The following ZNF84 variants were observed in gnomAD, a reference collection of about 807,000 sequenced individuals.
The protein encoded by ZNF84 is zinc finger protein 84.
ZNF84 carries 12 observed loss-of-function variants against 14.8 expected under a neutral mutation model. That is an observed-to-expected ratio of 0.81 (90% CI 0.52 to 1.31). The LOEUF is 1.31. Among genes scored for constraint, ZNF84 ranks in the 50% most tolerant of loss-of-function variants. The probability of loss-of-function intolerance (pLI) is 0.00; values close to 1 mark genes in which losing one functional copy is unlikely to be tolerated. For missense variants in ZNF84, 859 were observed against 878.6 expected (o/e 0.98, Z 0.28); for synonymous variants, 347 against 291.1 (o/e 1.19, Z -1.96).
At position 133,063,113 on chromosome 12, in the gene ZNF84, G is replaced by A; in HGVS notation, c.*4181G>A. ...GTTTTCTGCCACATGGAGAAACATG[G>A]TCTGCAGTGAGAGAGAAGAATGAAG... is the stretch of plus-strand genomic sequence containing the variant. On this transcript the variant is annotated 3_prime_UTR_variant, in exon 5 of 5. Transcript: ENST00000539354. 1.4e-6 allele frequency: 1 copy of A among 702,348 alleles called. No homozygotes were observed. The highest frequency in any genetic ancestry group is 1.5e-5 in the South Asian group (1 of 67,592). 43.5% of individuals were successfully genotyped at this position (702,348 alleles called of 1,614,324 possible).
intron 4 of ZNF84, among the ~76,000 whole-genome samples, chr12:133,056,643 A>C (rs1438544273): frequency 6.6e-6 from 1 of 152,160 alleles, no homozygotes; most frequent in Non-Finnish European, 1.5e-5. Context: ...TGAATTAATT[A>C]CTCAAAACAT....
chr12:133,056,938 T>C lies in ZNF84; in HGVS notation c.239-16T>C. The C allele has an allele frequency of 6.5e-7, 1 of 1,541,866 alleles. No individual in the cohort carries two copies. Among genetic ancestry groups the C allele is most frequent in the Non-Finnish European group, 8.7e-7 (1 of 1,151,422 alleles). On this transcript the variant is annotated splice_polypyrimidine_tract_variant and intron_variant, in intron 4 of 4. Transcript: ENST00000539354. ...AGAAAGCACAACCAAACAGATTGTT[T>C]TTGTTTCCTTTATAGAAGTCTGGAA...
At chr12:133,050,466 C>CA (rs1954052285) in intron 4 of ZNF84, 2 of 398,482 alleles carry the variant, frequency 5.0e-6, no homozygotes, top group Non-Finnish European at 8.8e-6. Flanking sequence ...GGAATCATGT[C>CA]AGAGTATTGG....
intron 4 of ZNF84, among the ~76,000 whole-genome samples, chr12:133,055,137 T>C (rs1488887865): frequency 2.0e-5 from 3 of 152,062 alleles, no homozygotes; most frequent in Admixed American, 2.0e-4. Context: ...ATGGAGAAAA[T>C]TTTGAGTTAT....
At position 133,063,059 on chromosome 12, in the gene ZNF84, A is replaced by G; in HGVS notation, c.*4127A>G. 1.4e-6 allele frequency: 1 copy of G among 699,622 alleles called. No individual in the cohort carries two copies. Among genetic ancestry groups the G allele is most frequent in the Non-Finnish European group, 2.6e-6 (1 of 382,680 alleles). The allele number at this position is 699,622 out of a possible 1,614,324, so 43.3% of individuals were successfully genotyped here. A position where few individuals can be genotyped will look rare whatever the true frequency, so the allele number is the denominator to read the frequency against. ...CTGTGTAATTTTTGCATCACAAGCT[A>G]TATTTAAATGTGGGTGCAGTGAGTG... On this transcript the variant is annotated 3_prime_UTR_variant, in exon 5 of 5. Transcript: ENST00000539354.
At chr12:133,041,544 C>A in intron 2 of ZNF84, 62 bp downstream of exon 2, 1 of 1,547,118 alleles carries the variant, frequency 6.5e-7, no homozygotes, top group Non-Finnish European at 8.9e-7. Flanking sequence ...ATAAGCCTTC[C>A]GGTGAAAAAG....
intron 1 of ZNF84, among the ~76,000 whole-genome samples, chr12:133,039,778 G>C (rs1241818208): frequency 6.6e-6 from 1 of 152,046 alleles, no homozygotes; most frequent in African/African-American, 2.4e-5. Context: ...AAGAAAGGAG[G>C]GGGGAAAAAC....
intron 1 of ZNF84, chr12:133,039,002 G>C (rs901015905): frequency 6.6e-6 from 1 of 152,148 alleles, no homozygotes; most frequent in African/African-American, 2.4e-5. Flanking sequence ...TCCTAAGAAT[G>C]GTTACCTGTG....
At chr12:133,055,308 AT>A (rs1954135080) in intron 4 of ZNF84, among the ~76,000 whole-genome samples, 2 of 152,268 alleles carry the variant, frequency 1.3e-5, no homozygotes, top group South Asian at 4.1e-4. Context: ...TTCATTATAT[AT>A]ATAATAGAAT....
chr12:133,060,116 A>G lies in ZNF84; in HGVS notation c.*1184A>G, dbSNP rs1447039766. 3 of 152,122 alleles carry G rather than the reference A, an allele frequency of 2.0e-5. No individual in the cohort carries two copies. Among genetic ancestry groups the G allele is most frequent in the African/African-American group, 7.2e-5 (3 of 41,390 alleles). 9.4% of individuals were successfully genotyped at this position (152,122 alleles called of 1,614,324 possible). A position where few individuals can be genotyped will look rare whatever the true frequency, so the allele number is the denominator to read the frequency against. On this transcript the variant is annotated 3_prime_UTR_variant, in exon 5 of 5. Coordinates refer to ENST00000539354, the MANE Select transcript of ZNF84 (RefSeq NM_001289971.2). ...TTCTCATTTAGTGAGGTGCCTCCATATAGTATATATATATGTATCTTAAGT... is the reference window on the plus strand; with the variant it reads ...TTCTCATTTAGTGAGGTGCCTCCATGTAGTATATATATATGTATCTTAAGT...
Position 133,057,743 on chromosome 12 carries a change from G to C in ZNF84, c.1028G>C (p.Gly343Ala). ...ATTAACCATCAGAGAATTCATACCGGTGAGAAGCCTTTTGAATGCAGGGAA... is the reference window on the plus strand; with the variant it reads ...ATTAACCATCAGAGAATTCATACCGCTGAGAAGCCTTTTGAATGCAGGGAA... The part of the protein sequence containing the change: ...NLINHQRIHT[G>A]EKPFECRECG... Residue 343 changes from glycine to alanine, a missense_variant, in exon 5 of 5, where the codon GGT (glycine) becomes GCT (alanine). Physicochemically the swap from Gly to Ala is moderately conservative, Grantham distance 60. Transcript: ENST00000539354. The C allele has an allele frequency of 6.2e-7, 1 of 1,614,102 alleles. No homozygotes were observed. Among genetic ancestry groups the C allele is most frequent in the Non-Finnish European group, 8.5e-7 (1 of 1,180,014 alleles).
intron 1 of ZNF84, among the ~76,000 whole-genome samples, chr12:133,038,351 T>C (rs1216352737): frequency 1.6e-4 from 24 of 152,336 alleles, no homozygotes; most frequent in African/African-American, 5.8e-4. Context: ...ATAATGATTA[T>C]AATTTGTATG....
chr12:133,053,568 C>T (rs2137398513), intron 4 of ZNF84, among the ~76,000 whole-genome samples: 1 of 152,194 alleles, frequency 6.6e-6, no homozygotes, highest in South Asian at 2.1e-4. Context: ...GGTGAGACCC[C>T]ATCTCTACAA....
intron 3 of ZNF84, 167 bp from the exon 4 acceptor site, chr12:133,048,586 G>C: frequency 1.1e-5 from 6 of 522,182 alleles, no homozygotes; most frequent in Non-Finnish European, 2.1e-5. Flanking sequence ...CTTTGTACTA[G>C]ACCCTATTAG....
intron 4 of ZNF84, 35 bp downstream of exon 4, chr12:133,048,883 C>A: frequency 1.3e-6 from 2 of 1,551,984 alleles, no homozygotes; most frequent in Non-Finnish European, 1.8e-6. Flanking sequence ...TGGGAGAGAG[C>A]AGAAGCCCCA....
At chr12:133,047,818 C>G in intron 2 of ZNF84, 137 bp from the exon 3 acceptor site, 1 of 906,568 alleles carries the variant, frequency 1.1e-6, no homozygotes, top group East Asian at 2.6e-5. Context: ...TTTTATCACA[C>G]AAAATATGCA....
Position 133,048,849 on chromosome 12 carries a change from G to A in ZNF84, c.238+1G>A. On this transcript the variant is annotated splice_donor_variant, in intron 4 of 4. Transcript: ENST00000539354. LOFTEE classifies it high-confidence loss of function. ...GAAATTCCAAGTTCAGATTCTCCAGGTGAGTGTATGAGAACCAGGCAGATG... is the reference window on the plus strand; with the variant it reads ...GAAATTCCAAGTTCAGATTCTCCAGATGAGTGTATGAGAACCAGGCAGATG... The A allele has an allele frequency of 1.9e-6, 3 of 1,611,454 alleles. No homozygotes were observed. The East Asian group carries it at 6.7e-5, about 36-fold the overall frequency.
intron 1 of ZNF84, among the ~76,000 whole-genome samples, chr12:133,038,678 C>T (rs1309642060): frequency 1.3e-5 from 2 of 152,000 alleles, no homozygotes; most frequent in Admixed American, 6.6e-5. Flanking sequence ...GTCAAATTAT[C>T]TTCACAATCT....
rs1249756659 is a variant in ZNF84, at chr12:133,059,890, T to C, written c.*958T>C. The C allele has an allele frequency of 6.6e-6, 1 of 152,228 alleles. No individual in the cohort carries two copies. The highest frequency in any genetic ancestry group is 1.5e-5 in the Non-Finnish European group (1 of 68,026). The allele number at this position is 152,228 out of a possible 1,614,324, so 9.4% of individuals were successfully genotyped here. A position where few individuals can be genotyped will look rare whatever the true frequency, so the allele number is the denominator to read the frequency against. On this transcript the variant is annotated 3_prime_UTR_variant, in exon 5 of 5. Coordinates refer to ENST00000539354, the MANE Select transcript of ZNF84 (RefSeq NM_001289971.2). ...GGTCTTTTGTTTTTATGGACCTTTC[T>C]ATTCAGTAACTGAAGCCAACATTGT... is the stretch of plus-strand genomic sequence containing the variant.
Sources: allele counts gnomAD v4.1 joint callset (sites outside exome capture counted in the v4.1 genomes callset), GRCh38; gene constraint gnomAD v4.1.1; transcripts MANE v1.5; gene names NCBI Gene and HGNC (gene_info 2026-07-23, HGNC 2026-07-21).